Variants in SMURF2 observed in about 807,000 individuals in gnomAD.
SMURF2 encodes the protein SMAD specific E3 ubiquitin protein ligase 2, also known as E3 ubiquitin-protein ligase SMURF2.
SMURF2 carries 48 observed loss-of-function variants against 109.6 expected under a neutral mutation model. That is an observed-to-expected ratio of 0.44 (90% CI 0.35 to 0.56). The LOEUF is 0.56. Ranked by LOEUF, SMURF2 falls within the 20% of genes least tolerant of loss-of-function variation. The pLI is 0.01. For synonymous variants in SMURF2, 288 were observed against 317.1 expected (o/e 0.91, Z 0.97); for missense variants, 575 against 909.0 (o/e 0.63, Z 4.72).
At position 64,569,300 on chromosome 17, in the gene SMURF2, T is replaced by TA. The variant is rs369705258; in HGVS notation, c.1016+2497dup. On this transcript the variant is annotated intron_variant, in intron 10 of 18. Coordinates refer to ENST00000262435, the MANE Select transcript of SMURF2 (RefSeq NM_022739.4). ...TGGGTGACAACAGGGAAACTCCATC[T>TA]AAAAAAAAAAAAATCCATACACAAA... Among the ~76,000 whole-genome samples the TA allele has an allele frequency of 8.7e-4, 124 of 141,900 alleles. No homozygotes were observed. The East Asian group carries it at 0.011, about 13-fold the overall frequency. 93.1% of individuals were successfully genotyped at this position (141,900 alleles called of 152,430 possible).
chr17:64,647,388 A>G (rs1000279725), intron 1 of SMURF2, among the ~76,000 whole-genome samples: 8 of 152,180 alleles, frequency 5.3e-5, no homozygotes, highest in African/African-American at 1.9e-4. Flanking sequence ...TTTCTAAAGA[A>G]CTGGAATAGA....
intron 1 of SMURF2, among the ~76,000 whole-genome samples, chr17:64,607,006 T>C (rs538275920): frequency 6.6e-6 from 1 of 151,768 alleles, no homozygotes; most frequent in Non-Finnish European, 1.5e-5. Flanking sequence ...AAGGATGAAA[T>C]AATTTTATAC....
intron 1 of SMURF2, among the ~76,000 whole-genome samples, chr17:64,620,504 A>T (rs16947933): frequency 0.031 from 4,677 of 152,226 alleles, 235 homozygotes; most frequent in African/African-American, 0.11. Flanking sequence ...AAATAAGCCC[A>T]GGACTTTTCT....
intron 1 of SMURF2, among the ~76,000 whole-genome samples, chr17:64,619,329 T>A (rs6504244): frequency 0.015 from 2,232 of 150,826 alleles, 48 homozygotes; most frequent in African/African-American, 0.051. Context: ...ATACAAAAAA[T>A]TTGCCAGGCA....
chr17:64,586,091 T>C lies in SMURF2; in HGVS notation c.480A>G (p.Pro160=). ...TTTCAGTGATGTTAGCTTACCCGTC[T>C]GGTAAATCGTTATCAAATAAACGAC... ...DCSRLFDNDL[P]DGWEERRTAS... is the part of the protein sequence containing the mutation. Residue 160 remains proline (P), a synonymous_variant, in exon 6 of 19, where the codon CCA becomes CCG. Transcript: ENST00000262435. 1 of 1,604,962 alleles carries C rather than the reference T, an allele frequency of 6.2e-7. No homozygotes were observed. The highest frequency in any genetic ancestry group is 8.5e-7 in the Non-Finnish European group (1 of 1,174,798).
intron 4 of SMURF2, among the ~76,000 whole-genome samples, chr17:64,591,889 T>C (rs868930421): frequency 2.0e-5 from 3 of 152,184 alleles, no homozygotes; most frequent in African/African-American, 7.2e-5. Context: ...ATCAGGTAGG[T>C]GCTCAATAAA....
At chr17:64,606,222 A>C (rs1474459322) in intron 2 of SMURF2, among the ~76,000 whole-genome samples, 1 of 152,168 alleles carries the variant, frequency 6.6e-6, no homozygotes, top group African/African-American at 2.4e-5. Context: ...CTTCCAATGA[A>C]TCTTGAATGA....
intron 12 of SMURF2, 64 bp from the exon 13 acceptor site, chr17:64,557,786 C>A (rs1292893665): frequency 2.5e-6 from 2 of 807,562 alleles, no homozygotes; most frequent in Non-Finnish European, 2.0e-6. Context: ...TAAGATATGT[C>A]ATTAACTAAT....
At position 64,543,167 on chromosome 17, in the gene SMURF2, G is replaced by C. The variant is rs905689709; in HGVS notation, c.*2681C>G. 1.3e-5 allele frequency: 2 copies of C among 152,134 alleles called. No individual in the cohort carries two copies. The highest frequency in any genetic ancestry group is 2.9e-5 in the Non-Finnish European group (2 of 68,030). 9.4% of individuals were successfully genotyped at this position (152,134 alleles called of 1,614,324 possible). On this transcript the variant is annotated 3_prime_UTR_variant, in exon 19 of 19. Transcript: ENST00000262435. ...ATAATACATTGGGGGTTTTTGCTTA[G>C]CACCTATTTGGAAGTAATCGGGTAA...
intron 10 of SMURF2, among the ~76,000 whole-genome samples, chr17:64,570,048 T>C (rs1969376508): frequency 6.6e-6 from 1 of 152,216 alleles, no homozygotes; most frequent in African/African-American, 2.4e-5. Flanking sequence ...TCTGCTGACA[T>C]AATGAGACTG....
At chr17:64,590,110 A>G (rs1969728861) in intron 5 of SMURF2, among the ~76,000 whole-genome samples, 1 of 151,314 alleles carries the variant, frequency 6.6e-6, no homozygotes, top group Non-Finnish European at 1.5e-5. Context: ...CTGTTCTATC[A>G]TGAAGTGTGA....
At chr17:64,625,649 A>C (rs1970256943) in intron 1 of SMURF2, among the ~76,000 whole-genome samples, 1 of 152,152 alleles carries the variant, frequency 6.6e-6, no homozygotes. Context: ...AAACTTTAGC[A>C]CGTATCTTAT....
At chr17:64,597,770 C>CAA (rs369162603) in intron 3 of SMURF2, among the ~76,000 whole-genome samples, 6,956 of 112,488 alleles carry the variant, frequency 0.062, 269 homozygotes, top group Admixed American at 0.17. Flanking sequence ...AAGACTGTCT[C>CAA]AAAAAAAAAA....
At chr17:64,634,327 G>A (rs1349646069) in intron 1 of SMURF2, among the ~76,000 whole-genome samples, 3 of 152,168 alleles carry the variant, frequency 2.0e-5, no homozygotes, top group African/African-American at 7.2e-5. Flanking sequence ...TAGGCAGTCT[G>A]GCTTTCTCCA....
At chr17:64,568,285 C>G (rs2144616307) in intron 10 of SMURF2, among the ~76,000 whole-genome samples, 1 of 152,322 alleles carries the variant, frequency 6.6e-6, no homozygotes, top group African/African-American at 2.4e-5. Context: ...GCCACTATGC[C>G]TTGCCCACAT....
intron 1 of SMURF2, among the ~76,000 whole-genome samples, chr17:64,645,238 T>A (rs1182647148): frequency 6.6e-6 from 1 of 152,176 alleles, no homozygotes; most frequent in Non-Finnish European, 1.5e-5. Flanking sequence ...ATATATTTAA[T>A]AAATCTGTTT....
intron 4 of SMURF2, 23 bp downstream of exon 4, chr17:64,593,417 G>A (rs1372236365): frequency 6.3e-6 from 10 of 1,586,592 alleles, no homozygotes; most frequent in Non-Finnish European, 8.6e-6. Context: ...TTTTTAATTG[G>A]AAAAGCACTC....
intron 1 of SMURF2, among the ~76,000 whole-genome samples, chr17:64,647,592 A>C (rs1257485443): frequency 6.6e-6 from 1 of 152,008 alleles, no homozygotes; most frequent in Non-Finnish European, 1.5e-5. Flanking sequence ...GATGAAGGCA[A>C]ATCGCTTGAA....
At chr17:64,591,234 C>G (rs1969747939) in intron 4 of SMURF2, 85 bp from the exon 5 acceptor site, 1 of 1,014,048 alleles carries the variant, frequency 9.9e-7, no homozygotes, top group Non-Finnish European at 1.5e-6. Context: ...TAAATTTCCA[C>G]AATCCATTAG....
Sources: gnomAD v4.1 joint callset for allele counts (sites outside exome capture counted in the v4.1 genomes callset) on GRCh38, gnomAD v4.1.1 for gene constraint, MANE v1.5 for transcripts, NCBI Gene and HGNC (gene_info 2026-07-23, HGNC 2026-07-21) for gene names.